NUMA1: variants seen among roughly 807,000 people sequenced by gnomAD.
NUMA1 encodes nuclear mitotic apparatus protein 1, also known as SP-H antigen.
NUMA1 carries 62 observed loss-of-function variants against 237.1 expected under a neutral mutation model. The ratio of observed to expected loss-of-function variants is 0.26; its 90% confidence interval spans 0.21 to 0.32. The LOEUF (loss-of-function observed/expected upper bound fraction) is 0.32, where lower values mean the gene tolerates loss of function less well. Among genes scored for constraint, NUMA1 ranks in the 10% least tolerant of loss-of-function variants. The pLI, the probability that NUMA1 is intolerant of heterozygous loss-of-function variation, is 1.00. For missense variants in NUMA1, 2,533 were observed against 2,666.5 expected, an observed-to-expected ratio of 0.95 and a Z score of 1.10; for synonymous variants, 1,028 against 1,066.1, an observed-to-expected ratio of 0.96 and a Z score of 0.70.
intron 1 of NUMA1, among the ~76,000 whole-genome samples, chr11:72,072,503 C>A (rs556975520): frequency 1.3e-5 from 2 of 152,166 alleles, no homozygotes; most frequent in Admixed American, 6.5e-5. Flanking sequence ...GAAACTGGCC[C>A]TTCAATAGGA....
In NUMA1 at chr11:72,003,387, G is replaced by A. The variant is rs1229181773; in HGVS notation, c.*140C>T. 4.2e-5 allele frequency: 35 copies of A among 824,508 alleles called. No homozygotes were observed. The highest frequency in any genetic ancestry group is 1.6e-4 in the South Asian group (11 of 67,182). 51.1% of individuals were successfully genotyped at this position (824,508 alleles called of 1,614,324 possible). ...AGGACCAGGGACCAGGCCAGGGTGC[G>A]GGCAGGCATCACTGTCTCTAGGGGT... On this transcript the variant is annotated 3_prime_UTR_variant, in exon 27 of 27. Transcript: ENST00000393695.
chr11:72,034,387 A>G (rs1590991279), intron 3 of NUMA1, among the ~76,000 whole-genome samples: 1 of 152,060 alleles, frequency 6.6e-6, no homozygotes, highest in East Asian at 1.9e-4. Context: ...TTTATGAGGT[A>G]TTTTAATTTA....
rs537659260 is a variant in NUMA1 at position 72,026,835 on chromosome 11, A to G, written c.128+2370T>C. Among the ~76,000 whole-genome samples, 13 of 152,252 alleles carry G rather than the reference A, an allele frequency of 8.5e-5. No homozygotes were observed. The East Asian group carries it at 2.1e-3, about 25-fold the overall frequency. On this transcript the variant is annotated intron_variant, in intron 4 of 26. Coordinates refer to ENST00000393695, the MANE Select transcript of NUMA1 (RefSeq NM_006185.4). Reference sequence around the variant, plus strand: ...GTATCAGAAATGTAAGAGCCAGAACATATTAACTAAGAACCTCCATTTCCC... The same window carrying G: ...GTATCAGAAATGTAAGAGCCAGAACGTATTAACTAAGAACCTCCATTTCCC...
chr11:72,007,165 C>T, intron 21 of NUMA1, 24 bp downstream of exon 21: 1 of 1,602,298 alleles, frequency 6.2e-7, no homozygotes, highest in South Asian at 1.1e-5. Flanking sequence ...TGCTGCCCTG[C>T]AGCCCCTGTC....
Position 72,013,512 on chromosome 11 carries a change from C to T in NUMA1, c.3991G>A (p.Ala1331Thr). ...TTCTGGAAGAACTTCTCCTGCCACG[C>T]CTTCAATTCTTGGCCCAGCTCCTCC... ...RAEELGQELK[A>T]WQEKFFQKEQ... is the part of the protein sequence containing the mutation. Residue 1331 changes from alanine to threonine, a missense_variant, in exon 15 of 27, where the codon GCG becomes ACG. Around this residue, in one of 3 missense-constraint regions of NUMA1, gnomAD observed 324 missense variants for 407.6 expected, o/e 0.79. Coordinates refer to ENST00000393695, the MANE Select transcript of NUMA1 (RefSeq NM_006185.4). This position sits in a 1 kb window ranked among gnomAD's most constrained non-coding sequence, Gnocchi z 6.8. The T allele has an allele frequency of 6.2e-7, 1 of 1,613,608 alleles. No individual in the cohort carries two copies. The highest frequency in any genetic ancestry group is 1.6e-4 in the Middle Eastern group (1 of 6,062).
In NUMA1 at chr11:72,072,238, G is replaced by C. The variant is rs1174514339; in HGVS notation, c.-102-2327C>G. 3.9e-5 allele frequency: 6 copies of C among 153,918 alleles called. No individual in the cohort carries two copies. The Admixed American group carries it at 3.9e-4, about 10-fold the overall frequency. 9.5% of individuals were successfully genotyped at this position (153,918 alleles called of 1,614,324 possible). On this transcript the variant is annotated intron_variant, in intron 1 of 26. Coordinates refer to ENST00000393695, the MANE Select transcript of NUMA1 (RefSeq NM_006185.4). ...CCCACACGTTAGTACCCAGTGGTAA[G>C]GTGGATACAATGTGACCTCAGAGGA...
At chr11:72,003,677 C>G in intron 26 of NUMA1, 139 bp from the exon 27 acceptor site, 1 of 1,198,034 alleles carries the variant, frequency 8.3e-7, no homozygotes, top group Non-Finnish European at 1.2e-6. Context: ...CAGTTGCTGG[C>G]TGTGCCTGAG....
intron 5 of NUMA1, chr11:72,024,031 TTCTGGCTCCA>T: frequency 4.5e-6 from 2 of 448,108 alleles, no homozygotes; most frequent in Non-Finnish European, 8.0e-6. Flanking sequence ...AAAAGTAACC[TTCTGGCTCCA>T]CCTAGATCTC....
intron 17 of NUMA1, among the ~76,000 whole-genome samples, chr11:72,010,384 C>T (rs1366573982): frequency 2.0e-5 from 3 of 152,250 alleles, no homozygotes; most frequent in Non-Finnish European, 4.4e-5. Flanking sequence ...CCCAGACTAT[C>T]TAGACTTACA....
rs1956290873 is a variant in NUMA1, at chr11:72,013,549, C to T, written c.3954G>A (p.Gln1318=). 6.2e-7 allele frequency: 1 copy of T among 1,613,610 alleles called. No individual in the cohort carries two copies. ...GGCCCAGCTCCTCCGCACGCTCAGC[C>T]TGTGAGGTCAGCTCCTGCCGCAGGT... The part of the protein sequence containing the change: ...SENLRQELTS[Q]AERAEELGQE... The change falls in exon 15 of 27, where the codon CAG becomes CAA. Residue 1318 remains glutamine, a synonymous_variant. Transcript: ENST00000393695. The surrounding 1 kb of genome is among the most constrained non-coding windows in gnomAD (Gnocchi z 6.8).
Position 72,016,504 on chromosome 11 carries a change from G to A in NUMA1, c.1146C>T (p.Ile382=). ...DKKCLEEKNE[I]LQGKLSQLEE... ...CCAGCTGTGAAAGTTTTCCCTGAAG[G>A]ATTTCGTTCTTCTCTTCAAGGCATT... The change falls in exon 14 of 27, where the codon ATC becomes ATT. Residue 382 remains isoleucine, a synonymous_variant. Transcript: ENST00000393695. 6.2e-6 allele frequency: 10 copies of A among 1,614,020 alleles called. No homozygotes were observed. The highest frequency in any genetic ancestry group is 8.5e-6 in the Non-Finnish European group (10 of 1,180,028).
Position 72,009,286 on chromosome 11 carries a change from A to G in NUMA1, c.4821T>C (p.Ala1607=). 1 of 1,613,454 alleles carries G rather than the reference A, an allele frequency of 6.2e-7. No homozygotes were observed. The highest frequency in any genetic ancestry group is 8.5e-7 in the Non-Finnish European group (1 of 1,179,952). ...QAQLSQKEQA[A]EHYKLQMEKA... is the part of the protein sequence containing the mutation. Reference sequence around the variant, plus strand: ...TCCTTACCTGCAGCTTATAGTGCTCAGCTGCCTGCTCCTTCTGGCTCAACT... The same window carrying G: ...TCCTTACCTGCAGCTTATAGTGCTCGGCTGCCTGCTCCTTCTGGCTCAACT... Residue 1607 remains alanine, a synonymous_variant, in exon 18 of 27, where the codon GCT becomes GCC. Transcript: ENST00000393695.
At chr11:72,017,573 A>C in intron 13 of NUMA1, 114 bp downstream of exon 13, 1 of 1,265,330 alleles carries the variant, frequency 7.9e-7, no homozygotes, top group Non-Finnish European at 1.1e-6. Context: ...ACACTATTGA[A>C]CCTTGAAGAG....
At chr11:72,058,071 CA>C (rs982016200) in intron 2 of NUMA1, among the ~76,000 whole-genome samples, 1 of 150,220 alleles carries the variant, frequency 6.7e-6, no homozygotes, top group African/African-American at 2.4e-5. Context: ...AACTACATCT[CA>C]AAAAAAAACA....
intron 2 of NUMA1, chr11:72,049,596 G>GTATATATA (rs66689566): frequency 1.5e-5 from 1 of 64,704 alleles, no homozygotes; most frequent in African/African-American, 5.3e-5. Context: ...GTGTGTGTGT[G>GTATATATA]TATATATATA....
chr11:72,020,559 A>C (rs1938629137), intron 8 of NUMA1: 1 of 152,246 alleles, frequency 6.6e-6, no homozygotes, highest in Non-Finnish European at 1.5e-5. Context: ...CATGCACTAC[A>C]TGACGGGAAA....
At chr11:72,010,729 A>C in intron 17 of NUMA1, 57 bp downstream of exon 17, 6 of 1,539,514 alleles carry the variant, frequency 3.9e-6, no homozygotes, top group Non-Finnish European at 5.3e-6. Flanking sequence ...CCCAGAGCTT[A>C]GAGAATAGCT....
At chr11:72,033,853 TC>T (rs1287229399) in intron 3 of NUMA1, among the ~76,000 whole-genome samples, 1 of 152,112 alleles carries the variant, frequency 6.6e-6, no homozygotes, top group Non-Finnish European at 1.5e-5. Flanking sequence ...AAACCCAGTC[TC>T]TACCAAAAAT....
chr11:72,079,823 G>C (rs967618405), intron 1 of NUMA1, among the ~76,000 whole-genome samples: 1 of 150,426 alleles, frequency 6.6e-6, no homozygotes, highest in Non-Finnish European at 1.5e-5. Context: ...AGGCAGGTAA[G>C]GTCATTGTTT....
Sources: allele counts gnomAD v4.1 joint callset (sites outside exome capture counted in the v4.1 genomes callset), GRCh38; gene constraint gnomAD v4.1.1; regional missense constraint gnomAD v4.1.1; non-coding constraint Gnocchi (gnomAD v3.1); transcripts MANE v1.5; gene names NCBI Gene and HGNC (gene_info 2026-07-23, HGNC 2026-07-21).